The following SAMMSON variants were observed in gnomAD, a reference collection of about 807,000 sequenced individuals.
SAMMSON encodes the protein long intergenic non-protein coding RNA 1212.
chr3:70,139,305 G>A (rs1272179441), intron 4 of SAMMSON, among the ~76,000 whole-genome samples: 10 of 152,098 alleles, frequency 6.6e-5, no homozygotes, highest in Non-Finnish European at 1.3e-4. Context: ...CTAAGGTGCT[G>A]GGATTATAGG....
chr3:70,235,638 C>T (rs1701599707), intron 4 of SAMMSON, among the ~76,000 whole-genome samples: 1 of 152,144 alleles, frequency 6.6e-6, no homozygotes, highest in African/African-American at 2.4e-5. Flanking sequence ...TTAGAGGTTT[C>T]TCTATGACCC....
chr3:70,241,138 C>A (rs1701664214), intron 4 of SAMMSON, among the ~76,000 whole-genome samples: 1 of 152,034 alleles, frequency 6.6e-6, no homozygotes, highest in Non-Finnish European at 1.5e-5. Context: ...GACATACGGG[C>A]TGATAAATTT....
intron 4 of SAMMSON, among the ~76,000 whole-genome samples, chr3:70,228,728 T>C (rs555233894): frequency 1.1e-3 from 164 of 152,120 alleles, no homozygotes; most frequent in African/African-American, 3.8e-3. Context: ...TTCTCATTAA[T>C]TTTTTCATGA....
chr3:70,162,526 A>T (rs541366581), intron 4 of SAMMSON, among the ~76,000 whole-genome samples: 1 of 151,898 alleles, frequency 6.6e-6, no homozygotes, highest in Middle Eastern at 3.4e-3. Context: ...AATTATTTTA[A>T]ATGTGTTATG....
At chr3:70,423,336 G>C (rs1701327155) in intron 2 of SAMMSON, among the ~76,000 whole-genome samples, 1 of 152,078 alleles carries the variant, frequency 6.6e-6, no homozygotes, top group African/African-American at 2.4e-5. Context: ...TGTAAGAATG[G>C]TCCCTTTCTT....
chr3:70,124,814 C>CAAAAAA (rs1208323683), intron 4 of SAMMSON, among the ~76,000 whole-genome samples: 137 of 53,600 alleles, frequency 2.6e-3, no homozygotes, highest in Admixed American at 4.7e-3. Flanking sequence ...GACTCCATCT[C>CAAAAAA]AAAAAAAAAA....
intron 2 of SAMMSON, among the ~76,000 whole-genome samples, chr3:70,408,570 C>A (rs1701194375): frequency 6.6e-6 from 1 of 152,190 alleles, no homozygotes; most frequent in African/African-American, 2.4e-5. Flanking sequence ...GTCACCTTTT[C>A]TCCAGTTCCC....
At chr3:70,170,027 C>A (rs187072345) in intron 4 of SAMMSON, among the ~76,000 whole-genome samples, 2 of 151,898 alleles carry the variant, frequency 1.3e-5, no homozygotes, top group Non-Finnish European at 2.9e-5. Flanking sequence ...GCCTTATTGC[C>A]TTTAGCCCTC....
intron 4 of SAMMSON, among the ~76,000 whole-genome samples, chr3:70,164,964 A>G (rs887817514): frequency 2.6e-5 from 4 of 152,204 alleles, no homozygotes; most frequent in African/African-American, 9.6e-5. Flanking sequence ...GAAACAGTGC[A>G]TTAGTATCTG....
intron 4 of SAMMSON, among the ~76,000 whole-genome samples, chr3:70,115,908 G>T (rs1334432661): frequency 1.3e-5 from 2 of 152,046 alleles, no homozygotes; most frequent in African/African-American, 2.4e-5. Context: ...TGTCAGTTTG[G>T]ATTTGTGAGT....
At chr3:70,311,838 A>T in intron 7 of SAMMSON, 1 of 396,996 alleles carries the variant, frequency 2.5e-6, no homozygotes, top group Non-Finnish European at 4.4e-6. Flanking sequence ...CTTATAAACA[A>T]AAGCAAAATT....
At chr3:70,154,676 A>T (rs1157502978) in intron 4 of SAMMSON, among the ~76,000 whole-genome samples, 1 of 152,070 alleles carries the variant, frequency 6.6e-6, no homozygotes, top group Non-Finnish European at 1.5e-5. Context: ...AAGAAGTTTG[A>T]CTTTGATTTA....
At chr3:70,323,712 G>A (rs1702555552) in intron 7 of SAMMSON, among the ~76,000 whole-genome samples, 1 of 152,122 alleles carries the variant, frequency 6.6e-6, no homozygotes, top group Admixed American at 6.6e-5. Context: ...GAAGATTGGG[G>A]CAGCCCTTTC....
intron 8 of SAMMSON, among the ~76,000 whole-genome samples, chr3:70,355,883 C>T (rs1702826108): frequency 6.6e-6 from 1 of 152,084 alleles, no homozygotes; most frequent in African/African-American, 2.4e-5. Context: ...GCATGTAATC[C>T]AGGTTTTCTT....
chr3:70,166,271 C>A (rs1490503634), intron 4 of SAMMSON, among the ~76,000 whole-genome samples: 1 of 151,980 alleles, frequency 6.6e-6, no homozygotes, highest in Non-Finnish European at 1.5e-5. Context: ...TAGAGTTTTA[C>A]AGTGAAAATG....
intron 3 of SAMMSON, among the ~76,000 whole-genome samples, chr3:70,053,358 T>G (rs2067153326): frequency 6.6e-6 from 1 of 152,138 alleles, no homozygotes; most frequent in South Asian, 2.1e-4. Context: ...GTGTTTGCCC[T>G]AGGGGCTTGT....
chr3:70,253,580 A>C (rs543109024), intron 6 of SAMMSON, among the ~76,000 whole-genome samples: 1 of 152,208 alleles, frequency 6.6e-6, no homozygotes. Flanking sequence ...ATAATTAGCC[A>C]GGTGTGGTGA....
At chr3:70,060,433 T>TG (rs2067183216) in intron 3 of SAMMSON, among the ~76,000 whole-genome samples, 1 of 152,156 alleles carries the variant, frequency 6.6e-6, no homozygotes, top group Admixed American at 6.6e-5. Flanking sequence ...GCACTGACTA[T>TG]GGTCATAGGC....
chr3:70,109,825 T>C (rs979799708), intron 4 of SAMMSON, among the ~76,000 whole-genome samples: 5 of 152,208 alleles, frequency 3.3e-5, no homozygotes, highest in African/African-American at 1.2e-4. Context: ...AATTAATTAC[T>C]TATTCTTTCT....
Sources: allele counts gnomAD v4.1 joint callset (sites outside exome capture counted in the v4.1 genomes callset), GRCh38; gene constraint gnomAD v4.1.1; transcripts MANE v1.5; gene names NCBI Gene and HGNC (gene_info 2026-07-23, HGNC 2026-07-21).